Variants in DDX55 observed in about 807,000 individuals in gnomAD.
DDX55 encodes DEAD-box helicase 55, also known as ATP-dependent RNA helicase DDX55.
Under a neutral mutation model 69.2 loss-of-function variants are expected in DDX55, and 56 were observed. The observed-to-expected ratio is 0.81, with a 90% CI of 0.65 to 1.01. The LOEUF (loss-of-function observed/expected upper bound fraction) is 1.01. Among genes scored for constraint, DDX55 ranks in the 50% least tolerant of loss-of-function variants. The pLI is 0.00. For synonymous variants in DDX55, 268 were observed against 273.1 expected, an observed-to-expected ratio of 0.98 and a Z score of 0.18; for missense variants, 720 against 745.1, an observed-to-expected ratio of 0.97 and a Z score of 0.39.
chr12:123,616,701 C>A, intron 10 of DDX55, 98 bp downstream of exon 10: 1 of 1,276,124 alleles, frequency 7.8e-7, no homozygotes, highest in Non-Finnish European at 1.1e-6. Context: ...TTCACTGAAA[C>A]ATTTTATAGC....
At chr12:123,608,866 G>A (rs1189576539) in intron 6 of DDX55, 37 bp downstream of exon 6, 1 of 1,584,058 alleles carries the variant, frequency 6.3e-7, no homozygotes, top group Non-Finnish European at 8.6e-7. Flanking sequence ...TGAGTGGGCA[G>A]ATGATACTAA....
In DDX55 at chr12:123,615,251, G is replaced by T. The variant is rs758798320; in HGVS notation, c.891G>T (p.Met297Ile). The T allele has an allele frequency of 6.2e-7, 1 of 1,614,126 alleles. No individual in the cohort carries two copies. The highest frequency in any genetic ancestry group is 1.7e-5 in the Admixed American group (1 of 60,030). ...LEVLVKGVKI[M>I]CIHGKMKYKR... ...TGCTGGTGAAGGGCGTGAAGATTAT[G>T]TGCATTCACGGAAAGATGAAATATA... Residue 297 changes from methionine (M) to isoleucine (I), a missense_variant, in exon 9 of 14, where the codon ATG (methionine) becomes ATT (isoleucine). Physicochemically the swap from Met to Ile is conservative, Grantham distance 10 (BLOSUM62 1). Transcript: ENST00000238146.
intron 12 of DDX55, 136 bp downstream of exon 12, chr12:123,618,973 G>A (rs1045397500): frequency 1.2e-5 from 15 of 1,293,826 alleles, no homozygotes; most frequent in Non-Finnish European, 1.6e-5. Context: ...GCCACTGGCT[G>A]CTGAGTATTC....
intron 8 of DDX55, among the ~76,000 whole-genome samples, 187 bp downstream of exon 8, chr12:123,613,439 G>A (rs981485962): frequency 3.3e-5 from 5 of 152,098 alleles, no homozygotes; most frequent in Admixed American, 1.3e-4. Context: ...GTAAAAAGTC[G>A]TCCAAAGGCA....
intron 13 of DDX55, 92 bp downstream of exon 13, chr12:123,619,816 TTC>T (rs1395529030): frequency 4.0e-6 from 6 of 1,517,474 alleles, no homozygotes; most frequent in African/African-American, 1.4e-5. Flanking sequence ...GCTGTCAGAT[TTC>T]TGTTACGTTG....
rs185609362 is a variant in DDX55, at chr12:123,616,879, C to T, written c.1049+276C>T. 4.3e-4 allele frequency: 158 copies of T among 367,600 alleles called. 1 individual carries two copies. Among genetic ancestry groups the T allele is most frequent in the African/African-American group, 3.0e-3 (142 of 47,578 alleles). 22.8% of individuals were successfully genotyped at this position (367,600 alleles called of 1,614,324 possible). On this transcript the variant is annotated intron_variant, in intron 10 of 13. Transcript: ENST00000238146. ...AACAACAACATTATTTGAGGCTGGG[C>T]GCGGTGGCTCACGCCTGTAATTCCA... is the stretch of plus-strand genomic sequence containing the variant.
At chr12:123,619,831 G>T in intron 13 of DDX55, 107 bp downstream of exon 13, 2 of 1,517,464 alleles carry the variant, frequency 1.3e-6, no homozygotes, top group Non-Finnish European at 1.7e-6. Flanking sequence ...TTACGTTGGC[G>T]ACCAGGGTGG....
chr12:123,611,623 G>A (rs1215144146), intron 7 of DDX55, among the ~76,000 whole-genome samples: 1 of 152,232 alleles, frequency 6.6e-6, no homozygotes, highest in Non-Finnish European at 1.5e-5. Flanking sequence ...AGGTTGTCGA[G>A]GCTGCTCTCC....
chr12:123,618,609 A>C, intron 11 of DDX55, 60 bp from the exon 12 acceptor site: 1 of 1,578,268 alleles, frequency 6.3e-7, no homozygotes, highest in Non-Finnish European at 8.6e-7. Context: ...TGTGATGGGG[A>C]GCCCTGGGGA....
chr12:123,610,444 C>T lies in DDX55; in HGVS notation c.741+316C>T, dbSNP rs114623334. Among the ~76,000 whole-genome samples, 1,160 of 152,004 alleles carry T rather than the reference C, an allele frequency of 7.6e-3. 17 individuals are homozygous for T. The highest frequency in any genetic ancestry group is 0.027 in the African/African-American group (1,106 of 41,460). ...GACTAAGCTCTGTAGTTCCTGGGCCCGTCAGAACAGCCTGTCTGACAGAGA... is the reference window on the plus strand; with the variant it reads ...GACTAAGCTCTGTAGTTCCTGGGCCTGTCAGAACAGCCTGTCTGACAGAGA... On this transcript the variant is annotated intron_variant, in intron 7 of 13. Transcript: ENST00000238146.
In DDX55 at chr12:123,618,827, C is replaced by A; in HGVS notation, c.1323C>A (p.Phe441Leu). ...CAAAGCATGAATGCAACCTGATTTT[C>A]AGATTAAAGGGTAAGTTGGACTTCT... Reference protein sequence around the residue: ...AYAKHECNLIFRLKDLDFASL... With the variant: ...AYAKHECNLILRLKDLDFASL... The change falls in exon 12 of 14, where the codon TTC (phenylalanine) becomes TTA (leucine). Residue 441 changes from phenylalanine (F) to leucine (L), a missense_variant. Phe to Leu is a conservative substitution (Grantham distance 22). Transcript: ENST00000238146. 5 of 1,613,970 alleles carry A rather than the reference C, an allele frequency of 3.1e-6. No homozygotes were observed. Among genetic ancestry groups the A allele is most frequent in the Non-Finnish European group, 4.2e-6 (5 of 1,179,910 alleles).
chr12:123,607,423 T>C lies in DDX55; in HGVS notation c.247-9T>C. 6.2e-7 allele frequency: 1 copy of C among 1,613,898 alleles called. No homozygotes were observed. Among genetic ancestry groups the C allele is most frequent in the South Asian group, 1.1e-5 (1 of 91,026 alleles). Reference sequence around the variant, plus strand: ...CTGCTGACTGTGTCCCTTCCTTCCATGTGGGTAGGTTGGAGCCATAATCAT... The same window carrying C: ...CTGCTGACTGTGTCCCTTCCTTCCACGTGGGTAGGTTGGAGCCATAATCAT... On this transcript the variant is annotated splice_polypyrimidine_tract_variant and intron_variant, in intron 3 of 13. Coordinates refer to ENST00000238146, the MANE Select transcript of DDX55 (RefSeq NM_020936.3).
At chr12:123,607,709 G>C in intron 5 of DDX55, 47 bp downstream of exon 5, 1 of 1,613,598 alleles carries the variant, frequency 6.2e-7, no homozygotes, top group South Asian at 1.1e-5. Flanking sequence ...TTTTGGCATT[G>C]AACCTAAGAA....
chr12:123,607,343 C>A, intron 3 of DDX55, 89 bp from the exon 4 acceptor site: 1 of 1,417,992 alleles, frequency 7.1e-7, no homozygotes, highest in Non-Finnish European at 9.7e-7. Context: ...TGGAACTTTC[C>A]TTTGTGTGGT....
Position 123,616,436 on chromosome 12 carries a change from C to T in DDX55, c.957-75C>T, listed in dbSNP as rs996907843. ...TCCAGCACCTGTGTGTCACTGTCATCGAGATCAGTAGGCTGTTTGATGGTG... is the reference window on the plus strand; with the variant it reads ...TCCAGCACCTGTGTGTCACTGTCATTGAGATCAGTAGGCTGTTTGATGGTG... On this transcript the variant is annotated intron_variant, in intron 9 of 13. Coordinates refer to ENST00000238146, the MANE Select transcript of DDX55 (RefSeq NM_020936.3). 5.1e-5 allele frequency: 68 copies of T among 1,345,400 alleles called. No homozygotes were observed. The Admixed American group carries it at 5.9e-4, about 12-fold the overall frequency. The allele number at this position is 1,345,400 out of a possible 1,614,324, so 83.3% of individuals were successfully genotyped here.
At chr12:123,606,417 T>G (rs796197810) in intron 3 of DDX55, among the ~76,000 whole-genome samples, 11 of 152,244 alleles carry the variant, frequency 7.2e-5, no homozygotes, top group African/African-American at 2.6e-4. Context: ...TCCTCATTAT[T>G]TGTGGATTCT....
chr12:123,607,497 T>G lies in DDX55; in HGVS notation c.312T>G (p.His104Gln). 6.2e-7 allele frequency: 1 copy of G among 1,614,182 alleles called. No homozygotes were observed. Residue 104 changes from histidine (H) to glutamine (Q), a missense_variant, in exon 4 of 14, where the codon CAT (histidine) becomes CAG (glutamine). By Grantham distance (24) the His-to-Gln change is conservative. Transcript: ENST00000238146. ...LAIQIDEVLS[H>Q]FTKHFPEFSQ... ...TTCAAATAGACGAGGTCCTGTCGCA[T>G]TTCACGAAGCACTTCCCCGAGTTCA...
Position 123,619,495 on chromosome 12 carries a change from TGA to T in DDX55, c.1401_1402del (p.Gly468LysfsTer12). 1.9e-6 allele frequency: 3 copies of T among 1,613,908 alleles called. No homozygotes were observed. The South Asian group carries it at 3.3e-5, about 18-fold the overall frequency. On this transcript the variant is annotated frameshift_variant, in exon 13 of 14. Coordinates refer to ENST00000238146, the MANE Select transcript of DDX55 (RefSeq NM_020936.3). LOFTEE classifies it high-confidence loss of function. ...CTGAGGATGCCCAAGATGCCAGAAT[TGA>T]GAGGAAAGCAGTTTCCAGATTTTGT...
In DDX55 at chr12:123,608,729, A is replaced by G. The variant is rs1954034929; in HGVS notation, c.451A>G (p.Arg151Gly). 1.2e-6 allele frequency: 2 copies of G among 1,614,082 alleles called. No homozygotes were observed. Among genetic ancestry groups the G allele is most frequent in the Non-Finnish European group, 1.7e-6 (2 of 1,180,012 alleles). The part of the protein sequence containing the change: ...TPGRLEDMFR[R>G]KAEGLDLASC... ...AGGCCGCTTGGAGGACATGTTCCGG[A>G]GGAAGGCCGAAGGCTTGGATCTGGC... The change falls in exon 6 of 14, where the codon AGG becomes GGG. Residue 151 changes from arginine (R) to glycine (G), a missense_variant. Coordinates refer to ENST00000238146, the MANE Select transcript of DDX55 (RefSeq NM_020936.3).
Sources: allele counts gnomAD v4.1 joint callset (sites outside exome capture counted in the v4.1 genomes callset), GRCh38; gene constraint gnomAD v4.1.1; transcripts MANE v1.5; gene names NCBI Gene and HGNC (gene_info 2026-07-23, HGNC 2026-07-21).